CERS3: variants seen among roughly 807,000 people sequenced by gnomAD.
CERS3 encodes the protein ceramide synthase 3.
A neutral mutation model predicts 50.3 loss-of-function variants in CERS3; 33 were observed. The observed-to-expected ratio is 0.66, with a 90% CI of 0.50 to 0.88. The LOEUF is 0.88. CERS3 is among the 40% of genes least tolerant of loss of function. The pLI, the probability that CERS3 is intolerant of heterozygous loss-of-function variation, is 0.00. For synonymous variants in CERS3, 176 were observed against 155.2 expected (o/e 1.13, Z -0.99); for missense variants, 470 against 460.3 (o/e 1.02, Z -0.19).
intron 11 of CERS3, among the ~76,000 whole-genome samples, chr15:100,441,116 G>A (rs144990647): frequency 0.025 from 3,788 of 152,050 alleles, 45 homozygotes; most frequent in Middle Eastern, 0.085. Context: ...TTATCTCTGC[G>A]CCCTGATCCC....
intron 11 of CERS3, among the ~76,000 whole-genome samples, chr15:100,414,609 C>G (rs935894762): frequency 6.6e-6 from 1 of 152,004 alleles, no homozygotes; most frequent in African/African-American, 2.4e-5. Context: ...GAACAGAGAC[C>G]TCAGAAATAA....
rs868059350 is a variant in CERS3, at chr15:100,449,398, C to G, written c.999+6495G>C. ...CCTAGGGGCCCAAAGGCCAACCTAC[C>G]TCCTGCCCCATCACTGCCACTGTTG... On this transcript the variant is annotated intron_variant, in intron 11 of 11. Coordinates refer to ENST00000679737, the MANE Select transcript of CERS3 (RefSeq NM_001378789.1). Among the ~76,000 whole-genome samples, 10 of 152,340 alleles carry G rather than the reference C, an allele frequency of 6.6e-5. No individual in the cohort carries two copies. In the East Asian group the frequency reaches 1.2e-3, roughly 18 times the overall value.
intron 11 of CERS3, among the ~76,000 whole-genome samples, chr15:100,448,350 G>A (rs1179423987): frequency 1.3e-5 from 2 of 152,168 alleles, no homozygotes; most frequent in East Asian, 3.9e-4. Context: ...GGAAAGGGAA[G>A]CCAAGACCGT....
chr15:100,444,005 C>T (rs1044880787), intron 11 of CERS3, among the ~76,000 whole-genome samples: 2 of 152,166 alleles, frequency 1.3e-5, no homozygotes, highest in African/African-American at 4.8e-5. Flanking sequence ...CTCCCTGACT[C>T]ATCCCAACCC....
chr15:100,402,383 G>A lies in CERS3; in HGVS notation c.*330C>T, dbSNP rs1393229331. 11 of 225,534 alleles carry A rather than the reference G, an allele frequency of 4.9e-5. No homozygotes were observed. Among genetic ancestry groups the A allele is most frequent in the Non-Finnish European group, 8.6e-5 (10 of 115,752 alleles). The allele number at this position is 225,534 out of a possible 1,614,324, so 14.0% of individuals were successfully genotyped here. A position where few individuals can be genotyped will look rare whatever the true frequency, so the allele number is the denominator to read the frequency against. On this transcript the variant is annotated 3_prime_UTR_variant, in exon 12 of 12. Coordinates refer to ENST00000679737, the MANE Select transcript of CERS3 (RefSeq NM_001378789.1). ...TGAAAGCGTCCTGAGGACAGGCAAG[G>A]TGGCGAGGCGAAAGGGTCTATAACA...
intron 11 of CERS3, among the ~76,000 whole-genome samples, chr15:100,439,912 G>A (rs1289470385): frequency 1.3e-5 from 2 of 152,166 alleles, no homozygotes; most frequent in South Asian, 4.1e-4. Context: ...AGGAATTCTT[G>A]TCCATGGCTC....
intron 2 of CERS3, among the ~76,000 whole-genome samples, chr15:100,510,026 C>CA (rs10693093): frequency 0.021 from 3,011 of 144,806 alleles, 49 homozygotes; most frequent in African/African-American, 0.021. Flanking sequence ...CAAACCCAGC[C>CA]AAAAAAAAAA....
rs559298071 is a variant in CERS3, at chr15:100,521,353, C to A, written c.-2+314G>T. 3.9e-4 allele frequency among the ~76,000 whole-genome samples: 59 copies of A among 152,276 alleles called. 1 individual carries two copies. The highest frequency in any genetic ancestry group is 1.6e-3 in the Admixed American group (24 of 15,296). On this transcript the variant is annotated intron_variant, in intron 2 of 11. Coordinates refer to ENST00000679737, the MANE Select transcript of CERS3 (RefSeq NM_001378789.1). ...AGCACAGCCAGCTCTTCCTTCCTTC[C>A]CATCAGAACAGCAGGTGTTATGGGG... is the stretch of plus-strand genomic sequence containing the variant.
At position 100,461,754 on chromosome 15, in the gene CERS3, G is replaced by A. The variant is rs547850876; in HGVS notation, c.846-5708C>T. ...AGGGGAAGAGGAGGAGTCCACTTTG[G>A]AGAGGGTAAGCAGGATCCGAGGAAT... is the stretch of plus-strand genomic sequence containing the variant. On this transcript the variant is annotated intron_variant, in intron 10 of 11. Coordinates refer to ENST00000679737, the MANE Select transcript of CERS3 (RefSeq NM_001378789.1). Among the ~76,000 whole-genome samples, 5 of 152,262 alleles carry A rather than the reference G, an allele frequency of 3.3e-5. No individual in the cohort carries two copies. In the East Asian group the frequency reaches 5.8e-4, roughly 18 times the overall value.
intron 1 of CERS3, among the ~76,000 whole-genome samples, chr15:100,522,083 G>A (rs890606558): frequency 1.3e-5 from 2 of 152,182 alleles, no homozygotes; most frequent in Non-Finnish European, 2.9e-5. Context: ...GCACCTGACC[G>A]GCTTTCTAGG....
At chr15:100,504,071 C>T (rs892879742) in intron 2 of CERS3, among the ~76,000 whole-genome samples, 2 of 151,572 alleles carry the variant, frequency 1.3e-5, no homozygotes, top group African/African-American at 4.9e-5. Context: ...GTGTGGACCC[C>T]AATGTCCTTC....
chr15:100,543,913 T>A (rs1399151649), intron 1 of CERS3, among the ~76,000 whole-genome samples: 1 of 152,176 alleles, frequency 6.6e-6, no homozygotes, highest in Admixed American at 6.5e-5. Flanking sequence ...TGAGAATAAG[T>A]AAAAGGGTAT....
At chr15:100,467,849 A>ACGTG (rs1186163151) in intron 10 of CERS3, among the ~76,000 whole-genome samples, 1 of 83,870 alleles carries the variant, frequency 1.2e-5, no homozygotes, top group East Asian at 3.0e-4. Context: ...ATATATATAT[A>ACGTG]TATAGATAGA....
At chr15:100,539,752 C>T (rs2037155455) in intron 1 of CERS3, among the ~76,000 whole-genome samples, 1 of 152,162 alleles carries the variant, frequency 6.6e-6, no homozygotes, top group African/African-American at 2.4e-5. Flanking sequence ...TAGGCTTGGT[C>T]ACTCTTTGAT....
At chr15:100,507,689 A>AT (rs1398018491) in intron 2 of CERS3, among the ~76,000 whole-genome samples, 2 of 152,210 alleles carry the variant, frequency 1.3e-5, no homozygotes, top group Non-Finnish European at 2.9e-5. Context: ...TGCCTTTCCC[A>AT]TTGTGAATGC....
chr15:100,535,606 T>G (rs1421024355), intron 1 of CERS3, among the ~76,000 whole-genome samples: 1 of 150,686 alleles, frequency 6.6e-6, no homozygotes, highest in Non-Finnish European at 1.5e-5. Context: ...GATATGCCTA[T>G]GCTCATATGT....
intron 11 of CERS3, among the ~76,000 whole-genome samples, chr15:100,424,849 G>A (rs1036103201): frequency 2.6e-5 from 4 of 152,208 alleles, no homozygotes; most frequent in Admixed American, 6.5e-5. Flanking sequence ...CAAGCTGGCT[G>A]CAGAAATTTG....
chr15:100,407,417 T>C (rs2031129263), intron 11 of CERS3, among the ~76,000 whole-genome samples: 1 of 152,226 alleles, frequency 6.6e-6, no homozygotes, highest in Non-Finnish European at 1.5e-5. Flanking sequence ...GAGCAAAGGC[T>C]AGGGATGCTG....
At chr15:100,419,868 T>G (rs1248989204) in intron 11 of CERS3, among the ~76,000 whole-genome samples, 4 of 147,214 alleles carry the variant, frequency 2.7e-5, no homozygotes, top group Non-Finnish European at 6.0e-5. Flanking sequence ...GAAATAAAGA[T>G]GTTCTTTGAA....
Sources: gnomAD v4.1 joint callset for allele counts (sites outside exome capture counted in the v4.1 genomes callset) on GRCh38, gnomAD v4.1.1 for gene constraint, MANE v1.5 for transcripts, NCBI Gene and HGNC (gene_info 2026-07-23, HGNC 2026-07-21) for gene names.